Variants in RBFOX2 observed in about 807,000 individuals in gnomAD.
The protein encoded by RBFOX2 is RNA binding protein fox-1 homolog 2.
RBFOX2 carries 10 observed loss-of-function variants against 49.1 expected under a neutral mutation model. The observed-to-expected ratio is 0.20, with a 90% CI of 0.13 to 0.35. The LOEUF (loss-of-function observed/expected upper bound fraction) is 0.35, where lower values mean the gene tolerates loss of function less well. RBFOX2 is among the 10% of genes least tolerant of loss of function. RBFOX2 has a pLI of 1.00. For synonymous variants in RBFOX2, 183 were observed against 187.4 expected (o/e 0.98, Z 0.19); for missense variants, 323 against 486.9 (o/e 0.66, Z 3.17).
At chr22:36,021,310 G>C (rs2059239276) in intron 1 of RBFOX2, among the ~76,000 whole-genome samples, 1 of 151,740 alleles carries the variant, frequency 6.6e-6, no homozygotes, top group South Asian at 2.1e-4. Context: ...ACGAGTTAAT[G>C]GGTGCAGCCA....
chr22:35,811,166 G>A (rs1951793787), intron 1 of RBFOX2, among the ~76,000 whole-genome samples: 1 of 152,046 alleles, frequency 6.6e-6, no homozygotes, highest in Admixed American at 6.5e-5. Flanking sequence ...AGAATTGGGG[G>A]TGGGGGGCTG....
At chr22:35,835,681 G>A (rs559084842) in intron 1 of RBFOX2, among the ~76,000 whole-genome samples, 2 of 152,136 alleles carry the variant, frequency 1.3e-5, no homozygotes, top group East Asian at 3.9e-4. Flanking sequence ...AATAGAGAAG[G>A]GGGCCAAAAA....
chr22:35,822,098 T>C, intron 1 of RBFOX2: 1 of 435,304 alleles, frequency 2.3e-6, no homozygotes, highest in Non-Finnish European at 4.6e-6. Context: ...GAGATGGTAC[T>C]CCCCAATAAA....
chr22:36,004,118 G>A (rs1240304871), intron 1 of RBFOX2, among the ~76,000 whole-genome samples: 1 of 152,148 alleles, frequency 6.6e-6, no homozygotes. Context: ...GAGAGTCACT[G>A]AGTTAACCCA....
chr22:35,784,710 C>T (rs910192504), intron 2 of RBFOX2, among the ~76,000 whole-genome samples: 6 of 152,380 alleles, frequency 3.9e-5, no homozygotes, highest in Middle Eastern at 3.4e-3. Flanking sequence ...AGGTTCTTGT[C>T]GAACATGCAG....
chr22:35,886,837 T>C (rs958671213), intron 1 of RBFOX2, among the ~76,000 whole-genome samples: 4 of 152,198 alleles, frequency 2.6e-5, no homozygotes. Flanking sequence ...TACACGACTG[T>C]ACAGTTTTCC....
chr22:35,960,881 G>A lies in RBFOX2; in HGVS notation c.42+682C>T, dbSNP rs566576530. On this transcript the variant is annotated intron_variant, in intron 1 of 5. Coordinates refer to the RBFOX2 transcript ENST00000408983. Reference sequence around the variant, plus strand: ...CGAATGAGAGTTCCTCAGGTTTTGCGCAATGGTTGTATCACCAACCAAGGT... The same window carrying A: ...CGAATGAGAGTTCCTCAGGTTTTGCACAATGGTTGTATCACCAACCAAGGT... Among the ~76,000 whole-genome samples, 23 of 151,906 alleles carry A rather than the reference G, an allele frequency of 1.5e-4. No individual in the cohort carries two copies. In the East Asian group the frequency reaches 2.3e-3, roughly 15 times the overall value.
At chr22:35,829,819 T>C (rs1045556210) in intron 1 of RBFOX2, among the ~76,000 whole-genome samples, 2 of 152,162 alleles carry the variant, frequency 1.3e-5, no homozygotes, top group Non-Finnish European at 2.9e-5. Context: ...CACTTCTCTT[T>C]CTCTGTCGTG....
At chr22:35,810,403 C>T (rs1000337635) in intron 1 of RBFOX2, among the ~76,000 whole-genome samples, 1 of 151,520 alleles carries the variant, frequency 6.6e-6, no homozygotes, top group Non-Finnish European at 1.5e-5. Context: ...ATACGAAAAA[C>T]AAAAAAGAAA....
At chr22:35,830,475 T>G (rs1956576276) in intron 1 of RBFOX2, among the ~76,000 whole-genome samples, 1 of 152,216 alleles carries the variant, frequency 6.6e-6, no homozygotes. Context: ...CAGGGATATG[T>G]TCTGAGAAAC....
At chr22:36,010,669 G>C (rs1303123027) in intron 1 of RBFOX2, among the ~76,000 whole-genome samples, 1 of 151,806 alleles carries the variant, frequency 6.6e-6, no homozygotes, top group Non-Finnish European at 1.5e-5. Context: ...AACTGTGCTA[G>C]AGTCAAGCCT....
chr22:35,878,842 T>C (rs557818261), intron 1 of RBFOX2, among the ~76,000 whole-genome samples: 1 of 152,328 alleles, frequency 6.6e-6, no homozygotes, highest in African/African-American at 2.4e-5. Flanking sequence ...ATCATTCTCC[T>C]GCCTCAGCCT....
rs369519540 is a variant in RBFOX2 at position 35,759,577 on chromosome 22, G to A, written c.887+311C>T. Among the ~76,000 whole-genome samples, 49 of 152,200 alleles carry A rather than the reference G, an allele frequency of 3.2e-4. No individual in the cohort carries two copies. Among genetic ancestry groups the A allele is most frequent in the South Asian group, 8.3e-4 (4 of 4,824 alleles). ...TCTGCAGTAATGTTAATCCATATTC[G>A]TGCGCTTCTGAGTGAACTTCATGCC... On this transcript the variant is annotated intron_variant, in intron 9 of 11. Coordinates refer to ENST00000405409, the Ensembl canonical transcript of RBFOX2. The surrounding 1 kb of genome is among the most constrained non-coding windows in gnomAD (Gnocchi z 4.6).
At chr22:35,841,324 C>T (rs1460969785), upstream of RBFOX2, among the ~76,000 whole-genome samples, 1 of 152,082 alleles carries the variant, frequency 6.6e-6, no homozygotes, top group Non-Finnish European at 1.5e-5. Flanking sequence ...GCTGTAGCTA[C>T]AGGTTTAGGA....
At chr22:35,983,671 G>T (rs189509209) in intron 1 of RBFOX2, among the ~76,000 whole-genome samples, 57 of 152,206 alleles carry the variant, frequency 3.7e-4, no homozygotes, top group African/African-American at 1.3e-3. Flanking sequence ...ATCCTGGATG[G>T]CAAGACCTGT....
At chr22:35,924,410 A>G (rs2051381706) in intron 1 of RBFOX2, among the ~76,000 whole-genome samples, 1 of 152,248 alleles carries the variant, frequency 6.6e-6, no homozygotes, top group Admixed American at 6.5e-5. Flanking sequence ...GAAAAGTTCT[A>G]CTAATTCAAT....
upstream of RBFOX2, among the ~76,000 whole-genome samples, chr22:35,840,827 T>G (rs899224702): frequency 6.6e-6 from 1 of 152,224 alleles, no homozygotes; most frequent in African/African-American, 2.4e-5. Context: ...ACAAAATTAT[T>G]TTTAATATTA....
At chr22:35,884,756 C>T (rs1328603798) in intron 1 of RBFOX2, among the ~76,000 whole-genome samples, 1 of 152,176 alleles carries the variant, frequency 6.6e-6, no homozygotes, top group Non-Finnish European at 1.5e-5. Flanking sequence ...GTATGAATAT[C>T]AGGAGGTGGG....
At chr22:36,028,484 T>C (rs2059537268) in exon 1 of RBFOX2, 1 of 1,114,780 alleles carries the variant, frequency 9.0e-7, no homozygotes, top group South Asian at 4.4e-5. Context: ...CACCTCCCCC[T>C]GGGCCTCGGC....
Sources: allele counts gnomAD v4.1 joint callset (sites outside exome capture counted in the v4.1 genomes callset), GRCh38; gene constraint gnomAD v4.1.1; non-coding constraint Gnocchi (gnomAD v3.1); transcripts MANE v1.5; gene names NCBI Gene and HGNC (gene_info 2026-07-23, HGNC 2026-07-21).